The following PHKB variants were observed in gnomAD, a reference collection of about 807,000 sequenced individuals.
The protein encoded by PHKB is phosphorylase b kinase regulatory subunit beta.
Under a neutral mutation model 152.1 loss-of-function variants are expected in PHKB, and 122 were observed. The ratio of observed to expected loss-of-function variants is 0.80; its 90% CI spans 0.69 to 0.93. The LOEUF is 0.93. PHKB is among the 40% of genes least tolerant of loss of function. The pLI is 0.00. For synonymous variants in PHKB, 436 were observed against 464.9 expected, an observed-to-expected ratio of 0.94 and a Z score of 0.80; for missense variants, 1,304 against 1,328.4, an observed-to-expected ratio of 0.98 and a Z score of 0.29.
chr16:47,495,806 G>C (rs1345140282), intron 1 of PHKB, among the ~76,000 whole-genome samples: 2 of 152,162 alleles, frequency 1.3e-5, no homozygotes, highest in Admixed American at 6.5e-5. Context: ...AAGGAGTACT[G>C]ATGTTCTGTA....
chr16:47,642,994 CT>C (rs2151727293), intron 16 of PHKB, among the ~76,000 whole-genome samples: 1 of 152,294 alleles, frequency 6.6e-6, no homozygotes, highest in East Asian at 1.9e-4. Context: ...TGCTAATACA[CT>C]TTTATGCTCT....
chr16:47,591,680 C>G (rs1972031297), intron 10 of PHKB, among the ~76,000 whole-genome samples: 1 of 152,106 alleles, frequency 6.6e-6, no homozygotes, highest in South Asian at 2.1e-4. Context: ...AACCACAGAT[C>G]TCCATCCCTA....
intron 8 of PHKB, among the ~76,000 whole-genome samples, chr16:47,584,475 T>G (rs1597103131): frequency 6.6e-6 from 1 of 152,334 alleles, no homozygotes; most frequent in Middle Eastern, 3.4e-3. Flanking sequence ...CTCTGTAGTT[T>G]GAGAATTCCT....
At chr16:47,484,572 A>G (rs911150977) in intron 1 of PHKB, among the ~76,000 whole-genome samples, 1 of 152,206 alleles carries the variant, frequency 6.6e-6, no homozygotes, top group Non-Finnish European at 1.5e-5. Flanking sequence ...TTCTCAGTGA[A>G]GCATTTTTTT....
chr16:47,479,535 G>A (rs538231799), intron 1 of PHKB, among the ~76,000 whole-genome samples: 53 of 151,360 alleles, frequency 3.5e-4, no homozygotes, highest in East Asian at 1.2e-3. Context: ...CCAGTTAAGC[G>A]GGTTTGGGAT....
chr16:47,569,824 T>C (rs773295762), intron 7 of PHKB, among the ~76,000 whole-genome samples: 1 of 152,144 alleles, frequency 6.6e-6, no homozygotes, highest in African/African-American at 2.4e-5. Context: ...GTTTCACCCA[T>C]GTTGACCAGG....
chr16:47,638,076 C>T (rs148983425), intron 14 of PHKB, among the ~76,000 whole-genome samples: 1 of 152,254 alleles, frequency 6.6e-6, no homozygotes, highest in Non-Finnish European at 1.5e-5. Context: ...CTGCCAATAC[C>T]ATCACCTTGG....
At chr16:47,626,964 AT>A (rs978336296) in intron 14 of PHKB, among the ~76,000 whole-genome samples, 2 of 152,188 alleles carry the variant, frequency 1.3e-5, no homozygotes, top group African/African-American at 4.8e-5. Flanking sequence ...AAGGAGAAAA[AT>A]TAAAAACACA....
intron 2 of PHKB, 23 bp downstream of exon 2, chr16:47,497,511 G>GT: frequency 1.5e-6 from 2 of 1,322,698 alleles, no homozygotes; most frequent in Non-Finnish European, 2.2e-6. Flanking sequence ...TGAGGAAAAC[G>GT]TGTCCTTAGG....
intron 26 of PHKB, among the ~76,000 whole-genome samples, chr16:47,682,121 A>G (rs1270075429): frequency 6.6e-6 from 1 of 152,172 alleles, no homozygotes; most frequent in African/African-American, 2.4e-5. Flanking sequence ...GTATTCTGCC[A>G]AGAGATCCGC....
At chr16:47,694,684 C>CT (rs1436694775) in intron 28 of PHKB, among the ~76,000 whole-genome samples, 1 of 152,208 alleles carries the variant, frequency 6.6e-6, no homozygotes, top group Non-Finnish European at 1.5e-5. Flanking sequence ...CCTGGGTGCC[C>CT]TATGATTACT....
At chr16:47,645,889 G>A (rs1973110114) in intron 16 of PHKB, among the ~76,000 whole-genome samples, 1 of 89,512 alleles carries the variant, frequency 1.1e-5, no homozygotes, top group African/African-American at 4.6e-5. Flanking sequence ...AACAGGTGCT[G>A]GAGAGGATGT....
At chr16:47,515,723 CA>C (rs1970584781) in intron 6 of PHKB, 122 bp downstream of exon 6, 3 of 670,752 alleles carry the variant, frequency 4.5e-6, no homozygotes, top group Non-Finnish European at 8.0e-6. Flanking sequence ...TTTATATAAT[CA>C]GATAGTAGAT....
chr16:47,499,955 A>C, intron 3 of PHKB, 61 bp downstream of exon 3: 1 of 1,588,146 alleles, frequency 6.3e-7, no homozygotes, highest in Non-Finnish European at 8.6e-7. Flanking sequence ...TTGTAGGACC[A>C]AGACTAATTG....
At chr16:47,691,609 A>G (rs1974061545) in intron 27 of PHKB, among the ~76,000 whole-genome samples, 3 of 151,958 alleles carry the variant, frequency 2.0e-5, no homozygotes, top group Non-Finnish European at 4.4e-5. Context: ...GGAGGCCGAC[A>G]TGGGAGGATC....
intron 6 of PHKB, among the ~76,000 whole-genome samples, chr16:47,516,197 A>G (rs1002858012): frequency 4.6e-5 from 7 of 152,126 alleles, no homozygotes; most frequent in Non-Finnish European, 8.8e-5. Flanking sequence ...AAGTGCTGGG[A>G]TTACAGGAGT....
intron 4 of PHKB, among the ~76,000 whole-genome samples, chr16:47,508,164 G>A (rs1567284557): frequency 6.6e-6 from 1 of 152,124 alleles, no homozygotes; most frequent in African/African-American, 2.4e-5. Context: ...ATGAATTTGA[G>A]TGAATACAAA....
intron 14 of PHKB, among the ~76,000 whole-genome samples, chr16:47,623,777 C>G (rs530353920): frequency 6.6e-6 from 1 of 151,882 alleles, no homozygotes; most frequent in Non-Finnish European, 1.5e-5. Flanking sequence ...AGGTTGGTCT[C>G]GAACTCCTGA....
At chr16:47,657,562 T>A (rs1240402172) in intron 20 of PHKB, among the ~76,000 whole-genome samples, 1 of 152,214 alleles carries the variant, frequency 6.6e-6, no homozygotes. Context: ...AGCAAATTTG[T>A]TGTTAAGTAT....
Sources: allele counts gnomAD v4.1 joint callset (sites outside exome capture counted in the v4.1 genomes callset), GRCh38; gene constraint gnomAD v4.1.1; transcripts MANE v1.5; gene names NCBI Gene and HGNC (gene_info 2026-07-23, HGNC 2026-07-21).